Variants in COMMD10 observed in about 807,000 individuals in gnomAD.
COMMD10 encodes COMM domain containing 10.
In COMMD10, 33 loss-of-function variants were observed where a neutral mutation model predicts 28.9. The ratio of observed to expected loss-of-function variants is 1.14; its 90% CI spans 0.87 to 1.53. The LOEUF is 1.53. COMMD10 is among the 40% of genes most tolerant of loss of function. COMMD10 has a pLI of 0.00. For missense variants in COMMD10, 310 were observed against 233.4 expected (o/e 1.33, Z -2.14); for synonymous variants, 110 against 81.7 (o/e 1.35, Z -1.87).
At chr5:116,140,048 C>G (rs945168996) in intron 5 of COMMD10, among the ~76,000 whole-genome samples, 2 of 151,496 alleles carry the variant, frequency 1.3e-5, no homozygotes, top group African/African-American at 4.8e-5. Context: ...CATTTTTTCC[C>G]TTTCCTTGTC....
At chr5:116,150,172 T>A in intron 5 of COMMD10, among the ~76,000 whole-genome samples, 1 of 152,316 alleles carries the variant, frequency 6.6e-6, no homozygotes, top group Middle Eastern at 3.4e-3. Context: ...GTTGTAGCTA[T>A]GCAGTGTTAC....
intron 5 of COMMD10, among the ~76,000 whole-genome samples, chr5:116,257,481 C>A (rs1193985795): frequency 6.6e-6 from 1 of 151,490 alleles, no homozygotes; most frequent in African/African-American, 2.4e-5. Context: ...AAGGAAAATG[C>A]ATAGGAGGGC....
chr5:116,106,403 A>G (rs1750840277), intron 4 of COMMD10, among the ~76,000 whole-genome samples: 1 of 152,160 alleles, frequency 6.6e-6, no homozygotes, highest in African/African-American at 2.4e-5. Flanking sequence ...TTTACTTCCA[A>G]TTATGTGGTC....
chr5:116,226,992 A>G (rs1412189928), intron 5 of COMMD10, among the ~76,000 whole-genome samples: 7 of 151,944 alleles, frequency 4.6e-5, no homozygotes, highest in Non-Finnish European at 7.4e-5. Context: ...CCAGGCCCGA[A>G]GTGTAGATAA....
intron 5 of COMMD10, among the ~76,000 whole-genome samples, chr5:116,216,755 C>T (rs1051667110): frequency 2.6e-5 from 4 of 152,152 alleles, no homozygotes; most frequent in African/African-American, 9.6e-5. Flanking sequence ...AGGATGGTCT[C>T]GATCTCTTGA....
In COMMD10 at chr5:116,196,400, C is replaced by G. The variant is rs1394963193; in HGVS notation, c.510+62222C>G. 2.6e-5 allele frequency among the ~76,000 whole-genome samples: 4 copies of G among 151,928 alleles called. No homozygotes were observed. The East Asian group carries it at 5.8e-4, about 22-fold the overall frequency. ...GACTACAAATATGGTGCAGTGTATA[C>G]TGCTTGGGTGATGGGTGCACCAAAA... On this transcript the variant is annotated intron_variant, in intron 5 of 6. Transcript: ENST00000274458.
chr5:116,135,611 A>C (rs576169206), intron 5 of COMMD10, among the ~76,000 whole-genome samples: 5 of 152,356 alleles, frequency 3.3e-5, no homozygotes, highest in African/African-American at 1.2e-4. Flanking sequence ...ACAGTACAGT[A>C]AGATGAGAGA....
intron 4 of COMMD10, among the ~76,000 whole-genome samples, chr5:116,103,034 A>G (rs1286338909): frequency 6.6e-6 from 1 of 152,110 alleles, no homozygotes; most frequent in African/African-American, 2.4e-5. Flanking sequence ...TCCATGGTGT[A>G]TATGTGCCAC....
intron 4 of COMMD10, among the ~76,000 whole-genome samples, chr5:116,121,965 A>G (rs1339236239): frequency 3.3e-5 from 5 of 152,020 alleles, no homozygotes; most frequent in African/African-American, 4.8e-5. Flanking sequence ...TTCTTTTGTC[A>G]TGCAGAAGCT....
chr5:116,291,697 A>G (rs1364033268), intron 6 of COMMD10, 121 bp downstream of exon 6: 3 of 561,848 alleles, frequency 5.3e-6, no homozygotes, highest in Admixed American at 7.2e-5. Flanking sequence ...AACTTCCCTT[A>G]TAAAAGACCT....
intron 5 of COMMD10, among the ~76,000 whole-genome samples, chr5:116,250,882 G>C (rs1750093579): frequency 6.6e-6 from 1 of 151,994 alleles, no homozygotes. Flanking sequence ...TCTGATTTCA[G>C]TTCTTCTGAG....
intron 5 of COMMD10, among the ~76,000 whole-genome samples, chr5:116,253,955 A>T (rs1023232767): frequency 6.6e-6 from 1 of 151,996 alleles, no homozygotes; most frequent in African/African-American, 2.4e-5. Flanking sequence ...TAAGCTATTG[A>T]TTATTGCCAC....
intron 5 of COMMD10, among the ~76,000 whole-genome samples, chr5:116,177,528 C>T (rs983599815): frequency 6.7e-6 from 1 of 148,360 alleles, no homozygotes; most frequent in Non-Finnish European, 1.5e-5. Flanking sequence ...CTAAGTGACC[C>T]CCCCCACCCC....
At chr5:116,146,327 A>G (rs1470710186) in intron 5 of COMMD10, among the ~76,000 whole-genome samples, 1 of 151,866 alleles carries the variant, frequency 6.6e-6, no homozygotes, top group Admixed American at 6.6e-5. Context: ...TATTAATTTC[A>G]TAATGAGCCC....
chr5:116,232,494 A>G lies in COMMD10; in HGVS notation c.511-59023A>G, dbSNP rs529750351. Among the ~76,000 whole-genome samples the G allele has an allele frequency of 1.8e-3, 271 of 152,260 alleles. 1 individual carries two copies. Among genetic ancestry groups the G allele is most frequent in the African/African-American group, 5.9e-3 (247 of 41,554 alleles). On this transcript the variant is annotated intron_variant, in intron 5 of 6. Coordinates refer to ENST00000274458, the MANE Select transcript of COMMD10 (RefSeq NM_016144.4). ...CTCGGCATAAGTGTTCAGAAATAAC[A>G]AAGATCAACCAGCTTGGCCAACATG...
rs150679746 is a variant in COMMD10 at position 116,102,623 on chromosome 5, T to C, written c.399+9923T>C. 1.9e-3 allele frequency among the ~76,000 whole-genome samples: 289 copies of C among 152,326 alleles called. 2 individuals carry two copies. Among genetic ancestry groups the C allele is most frequent in the African/African-American group, 6.5e-3 (272 of 41,570 alleles). ...CAATGGTATTTTGATAAGGATTGCA[T>C]TGAATCTGTAGATTGCTTTGGGCAG... On this transcript the variant is annotated intron_variant, in intron 4 of 6. Coordinates refer to ENST00000274458, the MANE Select transcript of COMMD10 (RefSeq NM_016144.4).
rs371518981 is a variant in COMMD10, at chr5:116,224,791, G to A, written c.511-66726G>A. 5.5e-4 allele frequency among the ~76,000 whole-genome samples: 84 copies of A among 152,226 alleles called. No homozygotes were observed. The East Asian group carries it at 9.7e-3, about 18-fold the overall frequency. On this transcript the variant is annotated intron_variant, in intron 5 of 6. Coordinates refer to ENST00000274458, the MANE Select transcript of COMMD10 (RefSeq NM_016144.4). ...CCGGGATATTGTTGATGAAGTATTTGTTGATTGAATTAATACTAAATTTTG... is the reference window on the plus strand; with the variant it reads ...CCGGGATATTGTTGATGAAGTATTTATTGATTGAATTAATACTAAATTTTG...
chr5:116,101,395 A>G (rs964033575), intron 4 of COMMD10, among the ~76,000 whole-genome samples: 3 of 151,634 alleles, frequency 2.0e-5, no homozygotes, highest in Non-Finnish European at 4.4e-5. Flanking sequence ...GTTAACATCT[A>G]TTATTTTTTA....
rs535692272 is a variant in COMMD10 at position 116,283,351 on chromosome 5, CT to C, written c.511-8153del. Among the ~76,000 whole-genome samples, 1,098 of 144,988 alleles carry C rather than the reference CT, an allele frequency of 7.6e-3. 10 individuals carry two copies. Among genetic ancestry groups the C allele is most frequent in the Non-Finnish European group, 0.012 (782 of 65,686 alleles). On this transcript the variant is annotated intron_variant, in intron 5 of 6. Transcript: ENST00000274458. ...CTATCTAGCTATCACAAAATAACAACTTTTTTTTTTTTTAAGACAGTGTCTT... is the reference window on the plus strand; with the variant it reads ...CTATCTAGCTATCACAAAATAACAACTTTTTTTTTTTTAAGACAGTGTCTT...
Sources: gnomAD v4.1 joint callset for allele counts (sites outside exome capture counted in the v4.1 genomes callset) on GRCh38, gnomAD v4.1.1 for gene constraint, MANE v1.5 for transcripts, NCBI Gene and HGNC (gene_info 2026-07-23, HGNC 2026-07-21) for gene names.